The following ATP1A2 variants were observed in gnomAD, a reference collection of about 807,000 sequenced individuals.
ATP1A2 encodes ATPase Na+/K+ transporting subunit alpha 2.
A neutral mutation model predicts 113.1 loss-of-function variants in ATP1A2; 56 were observed. The observed-to-expected ratio is 0.49, with a 90% CI of 0.40 to 0.62. The LOEUF is 0.62. ATP1A2 is among the 20% of genes least tolerant of loss of function. ATP1A2 has a pLI of 0.00. For missense variants in ATP1A2, 712 were observed against 1,357.8 expected (o/e 0.52, Z 7.47); for synonymous variants, 490 against 526.8 (o/e 0.93, Z 0.96).
At chr1:160,128,940 A>C (rs1166019581) in intron 9 of ATP1A2, 40 bp from the exon 10 acceptor site, 1 of 1,595,900 alleles carries the variant, frequency 6.3e-7, no homozygotes, top group Non-Finnish European at 8.5e-7. Context: ...AAAGGCTCTA[A>C]AGGGAGCCAC....
chr1:160,134,261 C>T (rs1651864557), intron 13 of ATP1A2, among the ~76,000 whole-genome samples: 1 of 149,530 alleles, frequency 6.7e-6, no homozygotes, highest in South Asian at 2.1e-4. Flanking sequence ...ACATCCTACA[C>T]ACACATACAC....
In ATP1A2 at chr1:160,141,459, G is replaced by T; in HGVS notation, c.*137G>T. ...GGAGAGATAATGAGGCAACTCAGCA[G>T]GCTAAGTTGCGGGGTATATAAATTG... is the stretch of plus-strand genomic sequence containing the variant. On this transcript the variant is annotated 3_prime_UTR_variant, in exon 23 of 23. Transcript: ENST00000361216. The T allele has an allele frequency of 8.9e-7, 1 of 1,124,610 alleles. No individual in the cohort carries two copies. The highest frequency in any genetic ancestry group is 1.3e-6 in the Non-Finnish European group (1 of 748,442). 69.7% of individuals were successfully genotyped at this position (1,124,610 alleles called of 1,614,324 possible). A position where few individuals can be genotyped will look rare whatever the true frequency, so the allele number is the denominator to read the frequency against.
chr1:160,139,777 C>T (rs777977294), intron 21 of ATP1A2, 36 bp downstream of exon 21: 22 of 1,612,440 alleles, frequency 1.4e-5, no homozygotes, highest in East Asian at 4.5e-5. Flanking sequence ...AGTAGTCATA[C>T]GGGGGGCCTT....
intron 12 of ATP1A2, 59 bp downstream of exon 12, chr1:160,130,350 G>A (rs1651733682): frequency 6.2e-7 from 1 of 1,614,110 alleles, no homozygotes; most frequent in Admixed American, 1.7e-5. Flanking sequence ...CGGCATCCCT[G>A]GGGTGGGGGA....
In ATP1A2 at chr1:160,127,522, C is replaced by T. The variant is rs761237643; in HGVS notation, c.749-30C>T. 8.7e-6 allele frequency: 14 copies of T among 1,613,696 alleles called. No individual in the cohort carries two copies. The East Asian group carries it at 2.9e-4, about 33-fold the overall frequency. On this transcript the variant is annotated intron_variant, in intron 7 of 22. Coordinates refer to ENST00000361216, the MANE Select transcript of ATP1A2 (RefSeq NM_000702.4). The stretch of plus-strand genomic sequence containing the variant: ...ACTGCAGTCCCTGGGAGCCACAAGG[C>T]ACCCAACCTGATGCCCCACCATGTT...
rs1271014069 is a variant in ATP1A2, at chr1:160,139,568, C to A, written c.2841-72C>A. ...AATTCTCTCTCCTCTTTCCCTTGCA[C>A]CCCAGGGGTATCCCAGGATCTCTGC... is the stretch of plus-strand genomic sequence containing the variant. On this transcript the variant is annotated intron_variant, in intron 20 of 22. Coordinates refer to ENST00000361216, the MANE Select transcript of ATP1A2 (RefSeq NM_000702.4). 8 of 1,359,236 alleles carry A rather than the reference C, an allele frequency of 5.9e-6. No homozygotes were observed. In the African/African-American group the frequency reaches 1.1e-4, roughly 19 times the overall value. 84.2% of individuals were successfully genotyped at this position (1,359,236 alleles called of 1,614,324 possible). A position where few individuals can be genotyped will look rare whatever the true frequency, so the allele number is the denominator to read the frequency against.
intron 1 of ATP1A2, among the ~76,000 whole-genome samples, chr1:160,117,021 C>T (rs750586795): frequency 2.0e-5 from 3 of 152,094 alleles, no homozygotes; most frequent in Non-Finnish European, 2.9e-5. Context: ...CCTGCAGTTA[C>T]TCATGGATGA....
At position 160,136,577 on chromosome 1, in the gene ATP1A2, C is replaced by G; in HGVS notation, c.2571C>G (p.Ile857Met). 6.2e-7 allele frequency: 1 copy of G among 1,614,234 alleles called. No individual in the cohort carries two copies. The highest frequency in any genetic ancestry group is 8.5e-7 in the Non-Finnish European group (1 of 1,180,042). ...TTGGCCCTCTACCCACAGGGATGATCCAGGCACTGGGTGGCTTCTTCACCT... is the reference window on the plus strand; with the variant it reads ...TTGGCCCTCTACCCACAGGGATGATGCAGGCACTGGGTGGCTTCTTCACCT... ...ISMAYGQIGM[I>M]QALGGFFTYF... Residue 857 changes from isoleucine (I) to methionine (M), a missense_variant, in exon 19 of 23, where the codon ATC becomes ATG. Around this residue, in one of 6 missense-constraint regions of ATP1A2, gnomAD observed 188 missense variants for 438.9 expected, o/e 0.43. Transcript: ENST00000361216.
Position 160,120,943 on chromosome 1 carries a change from A to G in ATP1A2, c.50A>G (p.Glu17Gly). 6.2e-7 allele frequency: 1 copy of G among 1,610,498 alleles called. No individual in the cohort carries two copies. The highest frequency in any genetic ancestry group is 8.5e-7 in the Non-Finnish European group (1 of 1,178,246). The change falls in exon 2 of 23, where the codon GAG (glutamate) becomes GGG (glycine). Residue 17 changes from glutamate (E) to glycine (G), a missense_variant. Physicochemically the swap from Glu to Gly is moderately conservative, Grantham distance 98. This residue lies in a region of ATP1A2 where 109 missense variants were observed against 162.3 expected (regional missense o/e 0.67). Transcript: ENST00000361216. ...TACTCACCTGCCGCCACCACGGCAG[A>G]GAATGGGGGCGGCAAGAAGAAACAG... ...REYSPAATTAENGGGKKKQKE... is the reference protein window; with the variant it reads ...REYSPAATTAGNGGGKKKQKE...
chr1:160,142,314 C>T lies in ATP1A2; in HGVS notation c.*992C>T, dbSNP rs1334354715. The T allele has an allele frequency of 1.3e-5, 2 of 152,260 alleles. No homozygotes were observed. The highest frequency in any genetic ancestry group is 2.9e-5 in the Non-Finnish European group (2 of 68,074). The allele number at this position is 152,260 out of a possible 1,614,324, so 9.4% of individuals were successfully genotyped here. ...CAGCCTCTTCCATTCCCTTTCTTTTCATGCCCATCCCGATGAACCTGCATC... is the reference window on the plus strand; with the variant it reads ...CAGCCTCTTCCATTCCCTTTCTTTTTATGCCCATCCCGATGAACCTGCATC... On this transcript the variant is annotated 3_prime_UTR_variant, in exon 23 of 23. Coordinates refer to ENST00000361216, the MANE Select transcript of ATP1A2 (RefSeq NM_000702.4).
chr1:160,123,789 G>C (rs991642164), intron 4 of ATP1A2, among the ~76,000 whole-genome samples, 154 bp from the exon 5 acceptor site: 1 of 152,216 alleles, frequency 6.6e-6, no homozygotes, highest in African/African-American at 2.4e-5. Context: ...GGGGAGGTTA[G>C]TGAGAAGGGC....
intron 5 of ATP1A2, 57 bp downstream of exon 5, chr1:160,124,113 C>T (rs1310880437): frequency 1.3e-6 from 2 of 1,596,858 alleles, no homozygotes; most frequent in Admixed American, 1.7e-5. Context: ...AAGAGTCCAG[C>T]TCATCTTTTG....
intron 20 of ATP1A2, among the ~76,000 whole-genome samples, chr1:160,138,911 G>A (rs1558009876): frequency 1.3e-5 from 2 of 152,096 alleles, no homozygotes; most frequent in Non-Finnish European, 2.9e-5. Flanking sequence ...ACATTGCAGA[G>A]CTTTTCACGT....
intron 8 of ATP1A2, 36 bp from the exon 9 acceptor site, chr1:160,128,616 G>T: frequency 1.2e-6 from 2 of 1,614,096 alleles, no homozygotes; most frequent in Non-Finnish European, 1.7e-6. Context: ...TCCGGCTTCA[G>T]CCTTAACCTT....
chr1:160,138,950 CT>C (rs1282530802), intron 20 of ATP1A2, among the ~76,000 whole-genome samples: 1 of 152,130 alleles, frequency 6.6e-6, no homozygotes, highest in African/African-American at 2.4e-5. Context: ...CCCAGCAACC[CT>C]ATGATAAAAA....
At chr1:160,139,194 T>C (rs1395728295) in intron 20 of ATP1A2, among the ~76,000 whole-genome samples, 5 of 152,210 alleles carry the variant, frequency 3.3e-5, no homozygotes, top group African/African-American at 9.7e-5. Flanking sequence ...TAAATATCTA[T>C]AATGAAACCA....
chr1:160,138,279 G>A (rs1652018458), intron 20 of ATP1A2, among the ~76,000 whole-genome samples: 1 of 152,214 alleles, frequency 6.6e-6, no homozygotes, highest in Non-Finnish European at 1.5e-5. Context: ...AAGGCAACCA[G>A]GCTTACTAAT....
intron 3 of ATP1A2, among the ~76,000 whole-genome samples, chr1:160,122,288 T>C (rs1285601043): frequency 1.3e-5 from 2 of 152,182 alleles, no homozygotes; most frequent in African/African-American, 4.8e-5. Flanking sequence ...TGTATTTGTT[T>C]ATTGTGTGTC....
Position 160,127,580 on chromosome 1 carries a change from AG to A in ATP1A2, c.779del (p.Gly260GlufsTer5), listed in dbSNP as rs1411147655. ...GTARGIVIAT[G>X]DRTVMGRIAT... ...CTGCCAGGGGCATTGTGATTGCCAC[AG>A]GAGACCGGACGGTGATGGGCCGCAT... On this transcript the variant is annotated frameshift_variant, in exon 8 of 23. Coordinates refer to ENST00000361216, the MANE Select transcript of ATP1A2 (RefSeq NM_000702.4). LOFTEE classifies it high-confidence loss of function. The A allele has an allele frequency of 6.2e-7, 1 of 1,614,266 alleles. No individual in the cohort carries two copies.
Sources: allele counts gnomAD v4.1 joint callset (sites outside exome capture counted in the v4.1 genomes callset), GRCh38; gene constraint gnomAD v4.1.1; regional missense constraint gnomAD v4.1.1; transcripts MANE v1.5; gene names NCBI Gene and HGNC (gene_info 2026-07-23, HGNC 2026-07-21).